The following UCKL1 variants were observed in gnomAD, a reference collection of about 807,000 sequenced individuals.
UCKL1 encodes the protein uridine-cytidine kinase-like 1.
Under a neutral mutation model 59.2 loss-of-function variants are expected in UCKL1, and 65 were observed. The observed-to-expected ratio is 1.10, with a 90% CI of 0.90 to 1.35. The LOEUF (loss-of-function observed/expected upper bound fraction) is 1.35. Ranked by LOEUF, UCKL1 falls within the 40% of genes most tolerant of loss-of-function variation. The probability of loss-of-function intolerance (pLI) is 0.00; values close to 1 mark genes in which losing one functional copy is unlikely to be tolerated. For synonymous variants in UCKL1, 410 were observed against 323.1 expected (o/e 1.27, Z -2.88); for missense variants, 703 against 784.3 (o/e 0.90, Z 1.24).
At chr20:63,951,101 G>C (rs2057519943) in intron 1 of UCKL1, 1 of 1,169,742 alleles carries the variant, frequency 8.5e-7, no homozygotes, top group Non-Finnish European at 1.1e-6. Context: ...CAGCAGCTAG[G>C]AGGCCCTTGA....
At position 63,943,594 on chromosome 20, in the gene UCKL1, G is replaced by C. The variant is rs1418145413; in HGVS notation, c.923+59C>G. The C allele has an allele frequency of 3.1e-6, 5 of 1,611,422 alleles. No homozygotes were observed. In the African/African-American group the frequency reaches 6.7e-5, roughly 22 times the overall value. On this transcript the variant is annotated intron_variant, in intron 8 of 14. Coordinates refer to ENST00000354216, the MANE Select transcript of UCKL1 (RefSeq NM_017859.4). ...TGGCTGGATCACAGCCCAGACCCCA[G>C]AGCTCCTTGGAGGTGTTGGAAGTGC... is the stretch of plus-strand genomic sequence containing the variant.
At position 63,944,565 on chromosome 20, in the gene UCKL1, G is replaced by A. The variant is rs1430960045; in HGVS notation, c.824C>T (p.Ala275Val). 6.2e-7 allele frequency: 1 copy of A among 1,611,732 alleles called. No individual in the cohort carries two copies. Among genetic ancestry groups the A allele is most frequent in the Non-Finnish European group, 8.5e-7 (1 of 1,179,390 alleles). ...CTCACCTCTGGGGACCACGATGTCTGCCAGGCGCATGGTGGGCTGGATGTA... is the reference window on the plus strand; with the variant it reads ...CTCACCTCTGGGGACCACGATGTCTACCAGGCGCATGGTGGGCTGGATGTA... Reference protein sequence around the residue: ...DQYIQPTMRLADIVVPRGSGN... With the variant: ...DQYIQPTMRLVDIVVPRGSGN... The change falls in exon 6 of 15, where the codon GCA (alanine) becomes GTA (valine). Residue 275 changes from alanine to valine, a missense_variant. By Grantham distance (64) the Ala-to-Val change is moderately conservative. Coordinates refer to ENST00000354216, the MANE Select transcript of UCKL1 (RefSeq NM_017859.4).
intron 8 of UCKL1, among the ~76,000 whole-genome samples, chr20:63,943,282 G>A (rs996140221): frequency 4.6e-5 from 7 of 152,224 alleles, no homozygotes; most frequent in Non-Finnish European, 8.8e-5. Context: ...AGGTACAGCA[G>A]GCTCCCTGGC....
chr20:63,944,823 T>C, intron 5 of UCKL1, 89 bp from the exon 6 acceptor site: 3 of 1,497,252 alleles, frequency 2.0e-6, no homozygotes, highest in Non-Finnish European at 2.7e-6. Flanking sequence ...GGCCGCCTGG[T>C]CCGTGGGCCT....
rs766565412 is a variant in UCKL1 at position 63,956,359 on chromosome 20, G to C, written c.14C>G (p.Pro5Arg). 33 of 1,528,044 alleles carry C rather than the reference G, an allele frequency of 2.2e-5. No individual in the cohort carries two copies. In the South Asian group the frequency reaches 3.9e-4, roughly 18 times the overall value. 94.7% of individuals were successfully genotyped at this position (1,528,044 alleles called of 1,614,324 possible). A position where few individuals can be genotyped will look rare whatever the true frequency, so the allele number is the denominator to read the frequency against. The change falls in exon 1 of 15, where the codon CCG becomes CGG. Residue 5 changes from proline (P) to arginine (R), a missense_variant. Around this residue, in one of 4 missense-constraint regions of UCKL1, gnomAD observed 398 missense variants for 373.0 expected, o/e 1.07. Transcript: ENST00000354216. Reference protein sequence around the residue: MAAPPARADADPSPT... With the variant: MAAPRARADADPSPT... ...CGAAGGATCAGCGTCCGCGCGGGCC[G>C]GGGGCGCAGCCATGGCGCTCGGAGG...
intron 8 of UCKL1, among the ~76,000 whole-genome samples, chr20:63,943,359 C>T (rs2055198694): frequency 6.6e-6 from 1 of 152,222 alleles, no homozygotes; most frequent in Non-Finnish European, 1.5e-5. Flanking sequence ...GACAGCTGTG[C>T]TCTCTGGGGT....
intron 3 of UCKL1, 80 bp downstream of exon 3, chr20:63,946,081 A>C (rs2056104578): frequency 6.2e-7 from 1 of 1,608,430 alleles, no homozygotes; most frequent in Non-Finnish European, 8.5e-7. Context: ...TGGGGCTGAG[A>C]CCAGGGACCT....
chr20:63,945,520 G>A (rs2055928915), intron 5 of UCKL1, 131 bp downstream of exon 5: 3 of 909,316 alleles, frequency 3.3e-6, no homozygotes, highest in Admixed American at 5.3e-5. Context: ...TTGGGGTTGG[G>A]GTAGGGAGTG....
At chr20:63,953,040 G>A (rs909864196) in intron 1 of UCKL1, among the ~76,000 whole-genome samples, 2 of 152,328 alleles carry the variant, frequency 1.3e-5, no homozygotes, top group Non-Finnish European at 2.9e-5. Context: ...ACCCAAGGTC[G>A]GAGTTTGAGA....
At chr20:63,944,112 C>T (rs539879464) in intron 7 of UCKL1, among the ~76,000 whole-genome samples, 1 of 152,362 alleles carries the variant, frequency 6.6e-6, no homozygotes, top group South Asian at 2.1e-4. Context: ...TTCCCAAAAG[C>T]TCAGGCTGGG....
At chr20:63,941,455 GGGGTAGGCT>G (rs1569031900) in intron 8 of UCKL1, 1 of 571,322 alleles carries the variant, frequency 1.8e-6, no homozygotes, top group Non-Finnish European at 3.2e-6. Flanking sequence ...GAAAGCTAGC[GGGGTAGGCT>G]GTGAGGGCCC....
At chr20:63,951,486 C>G (rs1014195715) in intron 1 of UCKL1, among the ~76,000 whole-genome samples, 2 of 152,182 alleles carry the variant, frequency 1.3e-5, no homozygotes, top group African/African-American at 4.8e-5. Context: ...AACGTCAGTG[C>G]TGAGCTGGGC....
intron 1 of UCKL1, chr20:63,950,759 C>T: frequency 2.0e-6 from 3 of 1,534,702 alleles, no homozygotes; most frequent in Non-Finnish European, 2.6e-6. Context: ...CGAGACTCAC[C>T]TGCCTTCTGC....
At position 63,940,061 on chromosome 20, in the gene UCKL1, A is replaced by G; in HGVS notation, c.1568-6T>C. ...GTAGCGGTCGCCAAAGTTCCCTGGA[A>G]AAAGGGGGGGGGGGGTCCAGTGTGG... On this transcript the variant is annotated splice_polypyrimidine_tract_variant and splice_region_variant and intron_variant, in intron 14 of 14. Transcript: ENST00000354216. The G allele has an allele frequency of 7.2e-7, 1 of 1,379,742 alleles. No homozygotes were observed. The highest frequency in any genetic ancestry group is 9.8e-7 in the Non-Finnish European group (1 of 1,020,300). The allele number at this position is 1,379,742 out of a possible 1,614,324, so 85.5% of individuals were successfully genotyped here. A position where few individuals can be genotyped will look rare whatever the true frequency, so the allele number is the denominator to read the frequency against.
intron 5 of UCKL1, 34 bp from the exon 6 acceptor site, chr20:63,944,768 T>C (rs2146492840): frequency 6.2e-7 from 1 of 1,607,732 alleles, no homozygotes; most frequent in East Asian, 2.2e-5. Context: ...AGTGGCCAGA[T>C]GCCAGCAGTG....
chr20:63,944,498 C>T (rs772870411), intron 6 of UCKL1, 40 bp from the exon 7 acceptor site: 114 of 1,585,210 alleles, frequency 7.2e-5, no homozygotes, highest in Non-Finnish European at 8.8e-5. Context: ...GGGGCTGGGC[C>T]GTTGGCCTGC....
chr20:63,948,655 G>T, intron 1 of UCKL1, among the ~76,000 whole-genome samples: 1 of 147,280 alleles, frequency 6.8e-6, no homozygotes, highest in Admixed American at 6.8e-5. Context: ...TGAGAGGGAG[G>T]GGCGTGTGTG....
rs1004957555 is a variant in UCKL1, at chr20:63,945,521, G to A, written c.654+130C>T. 5.4e-6 allele frequency: 5 copies of A among 919,588 alleles called. No homozygotes were observed. The African/African-American group carries it at 6.7e-5, about 12-fold the overall frequency. 57.0% of individuals were successfully genotyped at this position (919,588 alleles called of 1,614,324 possible). On this transcript the variant is annotated intron_variant, in intron 5 of 14. Transcript: ENST00000354216. ...TGGCATGCCTGGGGTTGGGGTTGGG[G>A]TAGGGAGTGGCTGGCCTAGGCCTAT...
chr20:63,949,635 C>T (rs184837856), intron 1 of UCKL1, among the ~76,000 whole-genome samples: 15 of 152,332 alleles, frequency 9.8e-5, no homozygotes, highest in East Asian at 3.9e-4. Flanking sequence ...CAGACAGAAA[C>T]GCTCTGGTGG....
Sources: gnomAD v4.1 joint callset for allele counts (sites outside exome capture counted in the v4.1 genomes callset) on GRCh38, gnomAD v4.1.1 for gene constraint, gnomAD v4.1.1 regional missense constraint, MANE v1.5 for transcripts, NCBI Gene and HGNC (gene_info 2026-07-23, HGNC 2026-07-21) for gene names.